The following TAFA5 variants were observed in gnomAD, a reference collection of about 807,000 sequenced individuals.
The protein encoded by TAFA5 is chemokine-like protein TAFA-5.
TAFA5 carries 6 observed loss-of-function variants against 15.3 expected under a neutral mutation model. That is an observed-to-expected ratio of 0.39 (90% CI 0.21 to 0.77). The LOEUF is 0.77. Among genes scored for constraint, TAFA5 ranks in the 30% least tolerant of loss-of-function variants. TAFA5 has a pLI of 0.41. For missense variants in TAFA5, 161 were observed against 193.1 expected (o/e 0.83, Z 0.98); for synonymous variants, 103 against 80.7 (o/e 1.28, Z -1.48).
intron 3 of TAFA5, among the ~76,000 whole-genome samples, chr22:48,745,601 AT>A (rs1304073499): frequency 1.3e-5 from 2 of 152,152 alleles, no homozygotes; most frequent in Non-Finnish European, 2.9e-5. Context: ...TCAGCCCTGT[AT>A]TTTGGCGTTA....
At chr22:48,506,544 G>A (rs1187305720) in intron 1 of TAFA5, among the ~76,000 whole-genome samples, 5 of 152,198 alleles carry the variant, frequency 3.3e-5, no homozygotes, top group Non-Finnish European at 7.4e-5. Context: ...GGCCTTTGGA[G>A]GATAGGAGCT....
In TAFA5 at chr22:48,560,352, C is replaced by A. The variant is rs1923186604; in HGVS notation, c.112+70648C>A. ...TGGCATTCATATGGCCCCAGCAGGC[C>A]CCCCAGCATTTCCATTCTCGGCCTC... On this transcript the variant is annotated intron_variant, in intron 1 of 3. Coordinates refer to ENST00000402357, the MANE Select transcript of TAFA5 (RefSeq NM_001082967.3). The surrounding 1 kb of genome is among the most constrained non-coding windows in gnomAD (Gnocchi z 4.2). Among the ~76,000 whole-genome samples, 1 of 152,094 alleles carries A rather than the reference C, an allele frequency of 6.6e-6. No individual in the cohort carries two copies. The highest frequency in any genetic ancestry group is 2.1e-4 in the South Asian group (1 of 4,826).
chr22:48,567,611 C>T lies in TAFA5; in HGVS notation c.112+77907C>T, dbSNP rs1002982352. ...GTGGCCTGAGGAGAGGGGGGACAGG[C>T]CTGCTCCTCCAAAGGTCCCCTCCCA... is the stretch of plus-strand genomic sequence containing the variant. On this transcript the variant is annotated intron_variant, in intron 1 of 3. Transcript: ENST00000402357. 2.0e-5 allele frequency among the ~76,000 whole-genome samples: 3 copies of T among 152,084 alleles called. No individual in the cohort carries two copies. The East Asian group carries it at 5.8e-4, about 29-fold the overall frequency.
At chr22:48,582,730 T>TACACCACACACAAAATACAGTAC (rs1433890745) in intron 1 of TAFA5, among the ~76,000 whole-genome samples, 123 of 68,432 alleles carry the variant, frequency 1.8e-3, no homozygotes, top group African/African-American at 7.7e-3. Context: ...ACACTCAAAA[T>TACACCACACACAAAATACAGTAC]ACACCACACA....
intron 1 of TAFA5, among the ~76,000 whole-genome samples, chr22:48,626,811 ATAT>A (rs1926040028): frequency 6.6e-6 from 1 of 152,158 alleles, no homozygotes; most frequent in African/African-American, 2.4e-5. Flanking sequence ...TACAAGTTTC[ATAT>A]TATTGTGTTT....
At chr22:48,724,874 G>A (rs1353603291) in intron 3 of TAFA5, among the ~76,000 whole-genome samples, 1 of 152,208 alleles carries the variant, frequency 6.6e-6, no homozygotes, top group Non-Finnish European at 1.5e-5. Flanking sequence ...CCCAGCCTGC[G>A]GCATGGCAGG....
At chr22:48,600,374 C>A (rs150446928) in intron 1 of TAFA5, among the ~76,000 whole-genome samples, 1 of 152,164 alleles carries the variant, frequency 6.6e-6, no homozygotes, top group Non-Finnish European at 1.5e-5. Flanking sequence ...GCAGGTCCAG[C>A]GGGGATCAGA....
chr22:48,611,166 C>T (rs546468834), intron 1 of TAFA5, among the ~76,000 whole-genome samples: 16 of 152,296 alleles, frequency 1.1e-4, no homozygotes, highest in Non-Finnish European at 1.8e-4. Flanking sequence ...CACTCCTGAC[C>T]TCAAGCGATC....
chr22:48,517,830 C>T (rs1601844563), intron 1 of TAFA5, among the ~76,000 whole-genome samples: 1 of 152,200 alleles, frequency 6.6e-6, no homozygotes, highest in Non-Finnish European at 1.5e-5. Context: ...TTGCTCCTCC[C>T]CCGCCCTCTC....
intron 1 of TAFA5, among the ~76,000 whole-genome samples, chr22:48,635,752 G>A (rs1156648075): frequency 2.6e-5 from 4 of 152,280 alleles, no homozygotes; most frequent in African/African-American, 4.8e-5. Context: ...GGCACTGGGC[G>A]TTTTTGATTC....
chr22:48,738,561 C>T (rs1930095678), intron 3 of TAFA5, among the ~76,000 whole-genome samples: 1 of 152,226 alleles, frequency 6.6e-6, no homozygotes, highest in East Asian at 1.9e-4. Flanking sequence ...ACCCTCTACT[C>T]ACCCCAGTGA....
intron 2 of TAFA5, among the ~76,000 whole-genome samples, chr22:48,686,551 A>G (rs957386030): frequency 3.9e-5 from 6 of 152,282 alleles, no homozygotes; most frequent in African/African-American, 1.2e-4. Flanking sequence ...TCATAATTGC[A>G]GGGGGGCACA....
rs5771911 is a variant in TAFA5 at position 48,660,688 on chromosome 22, G to A, written c.262+13942G>A. 9.5e-3 allele frequency among the ~76,000 whole-genome samples: 1,448 copies of A among 152,186 alleles called. 22 individuals are homozygous for A. Among genetic ancestry groups the A allele is most frequent in the African/African-American group, 0.032 (1,333 of 41,538 alleles). ...GAGCTGCGGAGGGTGTGCTGGGATC[G>A]CCCCACTGGGCTCCGCCCTGGCTCT... On this transcript the variant is annotated intron_variant, in intron 2 of 3. Coordinates refer to ENST00000402357, the MANE Select transcript of TAFA5 (RefSeq NM_001082967.3).
Position 48,547,887 on chromosome 22 carries a change from C to T in TAFA5, c.112+58183C>T, listed in dbSNP as rs370060003. 3.9e-5 allele frequency among the ~76,000 whole-genome samples: 6 copies of T among 152,332 alleles called. No individual in the cohort carries two copies. In the South Asian group the frequency reaches 1.0e-3, roughly 26 times the overall value. ...GGAAATGTCACCGTTAACTATTGAG[C>T]CCAGCATCCCATGGCTAACCGGTGA... is the stretch of plus-strand genomic sequence containing the variant. On this transcript the variant is annotated intron_variant, in intron 1 of 3. Transcript: ENST00000402357.
At chr22:48,711,404 G>A (rs1929250769) in intron 3 of TAFA5, among the ~76,000 whole-genome samples, 1 of 152,000 alleles carries the variant, frequency 6.6e-6, no homozygotes, top group Admixed American at 6.5e-5. Flanking sequence ...CTCACTCCAG[G>A]GGACCGGGGT....
intron 1 of TAFA5, among the ~76,000 whole-genome samples, chr22:48,584,787 A>G (rs1012550496): frequency 1.3e-5 from 2 of 150,724 alleles, no homozygotes; most frequent in Non-Finnish European, 3.0e-5. Flanking sequence ...CACACGCTAC[A>G]TGCCACTCAC....
At chr22:48,611,679 T>C (rs1925416045) in intron 1 of TAFA5, among the ~76,000 whole-genome samples, 2 of 152,164 alleles carry the variant, frequency 1.3e-5, no homozygotes, top group South Asian at 4.1e-4. Flanking sequence ...TTCTTGCCTC[T>C]CCTGGTAGAA....
chr22:48,702,338 C>T (rs1928935689), intron 2 of TAFA5, among the ~76,000 whole-genome samples: 1 of 151,988 alleles, frequency 6.6e-6, no homozygotes, highest in East Asian at 1.9e-4. Context: ...TGGGCTGGGA[C>T]TCGGGGGCTG....
chr22:48,726,018 A>G (rs1204619547), intron 3 of TAFA5, among the ~76,000 whole-genome samples: 1 of 152,242 alleles, frequency 6.6e-6, no homozygotes, highest in Non-Finnish European at 1.5e-5. Context: ...TGTGATAACC[A>G]TCCAGGGAAT....
Sources: gnomAD v4.1 joint callset for allele counts (sites outside exome capture counted in the v4.1 genomes callset) on GRCh38, gnomAD v4.1.1 for gene constraint, Gnocchi (gnomAD v3.1) non-coding constraint, MANE v1.5 for transcripts, NCBI Gene and HGNC (gene_info 2026-07-23, HGNC 2026-07-21) for gene names.